CDH20: variants seen among roughly 807,000 people sequenced by gnomAD.
CDH20 encodes the protein cadherin-20.
In CDH20, 29 loss-of-function variants were observed where a neutral mutation model predicts 74.2. That is an observed-to-expected ratio of 0.39 (90% CI 0.29 to 0.53). The LOEUF (loss-of-function observed/expected upper bound fraction) is 0.53, where lower values mean the gene tolerates loss of function less well. Among genes scored for constraint, CDH20 ranks in the 20% least tolerant of loss-of-function variants. The pLI is 0.69. For missense variants in CDH20, 988 were observed against 1,048.3 expected, an observed-to-expected ratio of 0.94 and a Z score of 0.79; for synonymous variants, 469 against 405.4, an observed-to-expected ratio of 1.16 and a Z score of -1.88.
At chr18:61,416,501 TC>T (rs894932361) in intron 1 of CDH20, among the ~76,000 whole-genome samples, 3 of 152,222 alleles carry the variant, frequency 2.0e-5, no homozygotes, top group African/African-American at 7.2e-5. Flanking sequence ...CAAGTATCCT[TC>T]TACTTTTCTG....
chr18:61,491,507 G>A (rs1275607180), intron 2 of CDH20, among the ~76,000 whole-genome samples: 1 of 152,154 alleles, frequency 6.6e-6, no homozygotes, highest in Non-Finnish European at 1.5e-5. Context: ...TTAGCACAGA[G>A]GCTGGGAGCA....
intron 1 of CDH20, among the ~76,000 whole-genome samples, chr18:61,339,672 G>A (rs1191491041): frequency 2.1e-5 from 3 of 145,244 alleles, no homozygotes; most frequent in Non-Finnish European, 4.5e-5. Flanking sequence ...ACATCTGATG[G>A]TCATAGAAAT....
intron 6 of CDH20, among the ~76,000 whole-genome samples, chr18:61,520,408 A>G (rs1190826740): frequency 6.6e-6 from 1 of 151,000 alleles, no homozygotes; most frequent in Non-Finnish European, 1.5e-5. Context: ...ATATATATGC[A>G]CCCAATACAA....
At chr18:61,443,798 G>A (rs373658647) in intron 1 of CDH20, among the ~76,000 whole-genome samples, 2 of 152,094 alleles carry the variant, frequency 1.3e-5, no homozygotes, top group Non-Finnish European at 2.9e-5. Context: ...AAGCTTTCAG[G>A]ACCCCTCTCC....
intron 1 of CDH20, among the ~76,000 whole-genome samples, chr18:61,419,768 C>T (rs1410606270): frequency 6.6e-6 from 1 of 152,122 alleles, no homozygotes; most frequent in African/African-American, 2.4e-5. Flanking sequence ...ATCAATGTTT[C>T]TCTTACAATG....
intron 1 of CDH20, among the ~76,000 whole-genome samples, chr18:61,378,809 G>A (rs74867767): frequency 0.025 from 3,745 of 152,204 alleles, 166 homozygotes; most frequent in African/African-American, 0.087. Flanking sequence ...TAAAGAACTG[G>A]CATTTGGTGC....
At chr18:61,506,357 C>A (rs924891300) in intron 5 of CDH20, among the ~76,000 whole-genome samples, 1 of 152,218 alleles carries the variant, frequency 6.6e-6, no homozygotes, top group Non-Finnish European at 1.5e-5. Flanking sequence ...TTGTAAAGAA[C>A]AAGCATCATT....
chr18:61,526,984 C>A (rs1010587772), intron 6 of CDH20, among the ~76,000 whole-genome samples: 2 of 152,036 alleles, frequency 1.3e-5, no homozygotes, highest in African/African-American at 2.4e-5. Flanking sequence ...AGTTCAAGAC[C>A]AGCCTGACCA....
intron 1 of CDH20, among the ~76,000 whole-genome samples, chr18:61,398,002 C>A (rs1304414493): frequency 1.3e-5 from 2 of 152,164 alleles, no homozygotes; most frequent in Non-Finnish European, 2.9e-5. Context: ...TGTAGTCTCC[C>A]AACTGTGATT....
intron 1 of CDH20, among the ~76,000 whole-genome samples, chr18:61,371,226 G>A (rs1025625136): frequency 3.9e-5 from 6 of 152,044 alleles, no homozygotes; most frequent in African/African-American, 7.2e-5. Flanking sequence ...TCATCAGAGC[G>A]CTTTCACTTG....
rs980215663 is a variant in CDH20 at position 61,333,492 on chromosome 18, C to A, written c.-488C>A. 1 of 152,334 alleles carries A rather than the reference C, an allele frequency of 6.6e-6. No individual in the cohort carries two copies. The highest frequency in any genetic ancestry group is 1.5e-5 in the Non-Finnish European group (1 of 68,180). 9.4% of individuals were successfully genotyped at this position (152,334 alleles called of 1,614,324 possible). On this transcript the variant is annotated 5_prime_UTR_variant, in exon 1 of 12. Coordinates refer to ENST00000262717, the MANE Select transcript of CDH20 (RefSeq NM_031891.4). ...CGGACCGCGCGCCACGCTCGGGGGA[C>A]GGTGACCGCGACCAGGGGGCTCTTC...
In CDH20 at chr18:61,500,102, T is replaced by TAAAAAAAAAA. The variant is rs534695760; in HGVS notation, c.542-243_542-234dup. 1.1e-4 allele frequency among the ~76,000 whole-genome samples: 6 copies of TAAAAAAAAAA among 56,526 alleles called. 1 individual carries two copies. Among genetic ancestry groups the TAAAAAAAAAA allele is most frequent in the Non-Finnish European group, 1.9e-4 (5 of 26,998 alleles). 37.1% of individuals were successfully genotyped at this position (56,526 alleles called of 152,430 possible). A position where few individuals can be genotyped will look rare whatever the true frequency, so the allele number is the denominator to read the frequency against. ...CTGGCGACAGAGTGAGACTCCATCTTAAAAAAAAAAAAAAAAAAAAAAAAA... is the reference window on the plus strand; with the variant it reads ...CTGGCGACAGAGTGAGACTCCATCTTAAAAAAAAAAAAAAAAAAAAAAAAAAAAAAAAAAA... On this transcript the variant is annotated intron_variant, in intron 3 of 11. Coordinates refer to ENST00000262717, the MANE Select transcript of CDH20 (RefSeq NM_031891.4).
chr18:61,387,331 T>C (rs1275623335), intron 1 of CDH20, among the ~76,000 whole-genome samples: 1 of 152,112 alleles, frequency 6.6e-6, no homozygotes, highest in Non-Finnish European at 1.5e-5. Context: ...AAGCCAGAGG[T>C]AGACAATTAC....
chr18:61,554,465 G>A lies in CDH20; in HGVS notation c.2176G>A (p.Val726Met). 1 of 1,613,258 alleles carries A rather than the reference G, an allele frequency of 6.2e-7. No homozygotes were observed. The highest frequency in any genetic ancestry group is 8.5e-7 in the Non-Finnish European group (1 of 1,179,894). The change falls in exon 12 of 12, where the codon GTG (valine) becomes ATG (methionine). Residue 726 changes from valine (V) to methionine (M), a missense_variant. This residue lies in a region of CDH20 where 375 missense variants were observed against 293.1 expected (regional missense o/e 1.28). Coordinates refer to ENST00000262717, the MANE Select transcript of CDH20 (RefSeq NM_031891.4). The part of the protein sequence containing the change: ...CAVNSTVHSY[V>M]LAKLYEADMD... ...AGTGAACAGCACTGTCCACAGCTAC[G>A]TGCTGGCCAAGCTCTACGAGGCCGA...
intron 1 of CDH20, among the ~76,000 whole-genome samples, chr18:61,421,192 A>G (rs1340081022): frequency 2.0e-5 from 3 of 152,230 alleles, no homozygotes; most frequent in Non-Finnish European, 4.4e-5. Context: ...AATTAATGAA[A>G]TGGTGTCTAA....
At chr18:61,520,750 A>T (rs139481135) in intron 6 of CDH20, among the ~76,000 whole-genome samples, 15,103 of 151,258 alleles carry the variant, frequency 0.1, 1,102 homozygotes, top group Middle Eastern at 0.17. Flanking sequence ...TCAGACCACA[A>T]TGCAATCAAA....
intron 1 of CDH20, among the ~76,000 whole-genome samples, chr18:61,403,802 A>G (rs1912234378): frequency 6.6e-6 from 1 of 152,210 alleles, no homozygotes; most frequent in African/African-American, 2.4e-5. Flanking sequence ...ACAAAGATAC[A>G]AGCGCACGTA....
rs181618424 is a variant in CDH20 at position 61,414,759 on chromosome 18, G to A, written c.-152-75643G>A. The stretch of plus-strand genomic sequence containing the variant: ...TGTACATGATTGTCAGAGAAGAGGC[G>A]AGAATTTTTTTATGTTTATTAAAAT... On this transcript the variant is annotated intron_variant, in intron 1 of 11. Coordinates refer to ENST00000262717, the MANE Select transcript of CDH20 (RefSeq NM_031891.4). Among the ~76,000 whole-genome samples the A allele has an allele frequency of 2.5e-3, 383 of 151,966 alleles. 2 individuals are homozygous for A. The highest frequency in any genetic ancestry group is 5.1e-3 in the Admixed American group (78 of 15,252).
intron 7 of CDH20, among the ~76,000 whole-genome samples, chr18:61,532,540 AT>A (rs1912680492): frequency 2.8e-4 from 5 of 18,150 alleles, no homozygotes; most frequent in African/African-American, 5.5e-4. Context: ...ATGTATATAT[AT>A]ATATATATAT....
Sources: allele counts gnomAD v4.1 joint callset (sites outside exome capture counted in the v4.1 genomes callset), GRCh38; gene constraint gnomAD v4.1.1; regional missense constraint gnomAD v4.1.1; transcripts MANE v1.5; gene names NCBI Gene and HGNC (gene_info 2026-07-23, HGNC 2026-07-21).